The following ASTN2 variants were observed in gnomAD, a reference collection of about 807,000 sequenced individuals.
The protein encoded by ASTN2 is astrotactin 2.
A neutral mutation model predicts 139.8 loss-of-function variants in ASTN2; 54 were observed. The ratio of observed to expected loss-of-function variants is 0.39; its 90% CI spans 0.31 to 0.48. The LOEUF (loss-of-function observed/expected upper bound fraction) is 0.48. Among genes scored for constraint, ASTN2 ranks in the 20% least tolerant of loss-of-function variants. The pLI is 0.95. For missense variants in ASTN2, 1,565 were observed against 1,725.1 expected, an observed-to-expected ratio of 0.91 and a Z score of 1.64; for synonymous variants, 756 against 719.5, an observed-to-expected ratio of 1.05 and a Z score of -0.81.
At chr9:116,537,758 A>C (rs984334115) in intron 19 of ASTN2, among the ~76,000 whole-genome samples, 1 of 152,232 alleles carries the variant, frequency 6.6e-6, no homozygotes, top group Non-Finnish European at 1.5e-5. Context: ...TGGGAACAGG[A>C]TACTAACATA....
chr9:116,801,585 C>CAAAAAAAAAAAA (rs397893932), intron 13 of ASTN2, among the ~76,000 whole-genome samples: 38 of 60,358 alleles, frequency 6.3e-4, no homozygotes, highest in East Asian at 1.2e-3. Context: ...GGCTCTGTCT[C>CAAAAAAAAAAAA]AAAAAAAAAA....
intron 1 of ASTN2, among the ~76,000 whole-genome samples, chr9:117,344,950 A>G (rs1343376220): frequency 6.6e-6 from 1 of 152,188 alleles, no homozygotes; most frequent in African/African-American, 2.4e-5. Context: ...ATCAACACTG[A>G]CACATGCCGC....
intron 10 of ASTN2, among the ~76,000 whole-genome samples, chr9:116,900,710 G>A (rs1363879575): frequency 6.6e-6 from 1 of 152,102 alleles, no homozygotes; most frequent in East Asian, 1.9e-4. Flanking sequence ...GAGGAACTAA[G>A]CCATCACCTC....
At chr9:117,190,264 A>G (rs1831310635) in intron 3 of ASTN2, among the ~76,000 whole-genome samples, 1 of 152,222 alleles carries the variant, frequency 6.6e-6, no homozygotes, top group African/African-American at 2.4e-5. Context: ...TCCAATTTAT[A>G]TATATTAACA....
chr9:117,246,959 A>G (rs979300959), intron 2 of ASTN2, among the ~76,000 whole-genome samples: 2 of 152,152 alleles, frequency 1.3e-5, no homozygotes, highest in Admixed American at 6.5e-5. Flanking sequence ...CATCTGGAAT[A>G]GTTGAAGGTC....
chr9:116,510,517 A>C (rs1850328403), intron 19 of ASTN2, among the ~76,000 whole-genome samples: 1 of 152,134 alleles, frequency 6.6e-6, no homozygotes, highest in South Asian at 2.1e-4. Flanking sequence ...ACTTTAAAGT[A>C]GTTTTTTCCA....
intron 13 of ASTN2, among the ~76,000 whole-genome samples, chr9:116,776,760 CT>C (rs1478832792): frequency 1.3e-5 from 2 of 152,092 alleles, no homozygotes; most frequent in Non-Finnish European, 2.9e-5. Flanking sequence ...TTCTAGGAAG[CT>C]AATGAGTAAG....
At position 117,145,448 on chromosome 9, in the gene ASTN2, G is replaced by A. The variant is rs150879901; in HGVS notation, c.1016-3970C>T. ...GGCTACTAGTTGGGTTTGGCCCGTG[G>A]GATGCCCCAGAAAGATATGGGAGGA... On this transcript the variant is annotated intron_variant, in intron 3 of 22. Transcript: ENST00000313400. Among the ~76,000 whole-genome samples, 7 of 152,280 alleles carry A rather than the reference G, an allele frequency of 4.6e-5. No homozygotes were observed. In the East Asian group the frequency reaches 1.4e-3, roughly 29 times the overall value.
At chr9:117,058,345 G>C (rs1050767752) in intron 5 of ASTN2, among the ~76,000 whole-genome samples, 2 of 152,114 alleles carry the variant, frequency 1.3e-5, no homozygotes, top group Non-Finnish European at 2.9e-5. Flanking sequence ...TTCAGCTGAA[G>C]TATTCCCTTG....
chr9:117,410,233 T>A (rs1326279184), intron 1 of ASTN2, among the ~76,000 whole-genome samples: 2 of 152,162 alleles, frequency 1.3e-5, no homozygotes, highest in Non-Finnish European at 2.9e-5. Flanking sequence ...GCAAGAAGGA[T>A]GACATTTCCC....
At chr9:116,601,183 G>A (rs1854879521) in intron 19 of ASTN2, among the ~76,000 whole-genome samples, 1 of 152,172 alleles carries the variant, frequency 6.6e-6, no homozygotes, top group Admixed American at 6.5e-5. Context: ...AGACCTCATT[G>A]TACAGACCCA....
chr9:116,836,991 C>G (rs1588336575), intron 11 of ASTN2, among the ~76,000 whole-genome samples: 1 of 151,910 alleles, frequency 6.6e-6, no homozygotes, highest in Non-Finnish European at 1.5e-5. Context: ...AGTTGAAGAC[C>G]CGTGACTTCA....
chr9:117,199,256 T>C (rs912974512), intron 3 of ASTN2, among the ~76,000 whole-genome samples: 3 of 152,226 alleles, frequency 2.0e-5, no homozygotes, highest in Non-Finnish European at 2.9e-5. Flanking sequence ...AGAGTTTTTA[T>C]GGTTTTGGGT....
At chr9:117,175,844 T>C (rs771511974) in intron 3 of ASTN2, among the ~76,000 whole-genome samples, 1 of 151,966 alleles carries the variant, frequency 6.6e-6, no homozygotes, top group Non-Finnish European at 1.5e-5. Context: ...ACAAAAAGTA[T>C]AAACTACAAA....
intron 10 of ASTN2, among the ~76,000 whole-genome samples, chr9:116,943,255 C>G (rs1231715049): frequency 6.6e-6 from 1 of 152,108 alleles, no homozygotes; most frequent in Admixed American, 6.6e-5. Context: ...AACCAGCACT[C>G]CTGGCACACC....
chr9:116,719,520 G>T (rs757011928), intron 16 of ASTN2, among the ~76,000 whole-genome samples: 10 of 152,102 alleles, frequency 6.6e-5, no homozygotes, highest in Non-Finnish European at 1.2e-4. Flanking sequence ...AACAGATAAT[G>T]GTGCTTCTCA....
intron 22 of ASTN2, among the ~76,000 whole-genome samples, chr9:116,439,595 A>G (rs1040850): frequency 0.2 from 30,212 of 152,190 alleles, 3,482 homozygotes; most frequent in Middle Eastern, 0.29. Flanking sequence ...AGTGGTAGGC[A>G]AGTGATCAAA....
chr9:116,623,759 G>A (rs746117765), intron 17 of ASTN2, among the ~76,000 whole-genome samples: 7 of 152,150 alleles, frequency 4.6e-5, no homozygotes, highest in African/African-American at 9.7e-5. Context: ...ACAGAAAAGC[G>A]TGCAGGAGCA....
At chr9:117,203,646 T>C (rs1171931321) in intron 3 of ASTN2, among the ~76,000 whole-genome samples, 1 of 152,084 alleles carries the variant, frequency 6.6e-6, no homozygotes, top group Admixed American at 6.5e-5. Context: ...GGGAGTTCAC[T>C]TCAGGCCCCA....
Sources: allele counts gnomAD v4.1 joint callset (sites outside exome capture counted in the v4.1 genomes callset), GRCh38; gene constraint gnomAD v4.1.1; transcripts MANE v1.5; gene names NCBI Gene and HGNC (gene_info 2026-07-23, HGNC 2026-07-21).